The following ZNF609 variants were observed in gnomAD, a reference collection of about 807,000 sequenced individuals.
ZNF609 encodes the protein zinc finger protein 609.
Under a neutral mutation model 109.5 loss-of-function variants are expected in ZNF609, and 11 were observed. The observed-to-expected ratio is 0.10, with a 90% CI of 0.06 to 0.17. The LOEUF is 0.17. Among genes scored for constraint, ZNF609 ranks in the 10% least tolerant of loss-of-function variants. The pLI is 1.00. For missense variants in ZNF609, 1,559 were observed against 1,772.4 expected (o/e 0.88, Z 2.16); for synonymous variants, 646 against 662.0 (o/e 0.98, Z 0.37).
At chr15:64,656,091 TCTCA>T (rs976655608) in intron 3 of ZNF609, among the ~76,000 whole-genome samples, 4 of 151,850 alleles carry the variant, frequency 2.6e-5, no homozygotes, top group Admixed American at 2.6e-4. Flanking sequence ...TGAGACTGAG[TCTCA>T]CTCTGTCACC....
chr15:64,622,312 T>C (rs1040200516), intron 2 of ZNF609, among the ~76,000 whole-genome samples: 1 of 152,162 alleles, frequency 6.6e-6, no homozygotes, highest in African/African-American at 2.4e-5. Context: ...TTCCTAGGAT[T>C]TGGCTATTTC....
chr15:64,533,102 G>A (rs1233128879), intron 2 of ZNF609, among the ~76,000 whole-genome samples: 14 of 151,736 alleles, frequency 9.2e-5, no homozygotes. Flanking sequence ...CAAGGCTGGA[G>A]TGCAGTGGCG....
In ZNF609 at chr15:64,553,724, G is replaced by A. The variant is rs530377757; in HGVS notation, c.747+53558G>A. Among the ~76,000 whole-genome samples, 280 of 151,602 alleles carry A rather than the reference G, an allele frequency of 1.8e-3. 1 individual carries two copies. Among genetic ancestry groups the A allele is most frequent in the Middle Eastern group, 6.8e-3 (2 of 294 alleles). On this transcript the variant is annotated intron_variant, in intron 2 of 9. Coordinates refer to ENST00000326648, the MANE Select transcript of ZNF609 (RefSeq NM_015042.2). ...CGCCATTCTCCTGCCTCAGCCTCCCGAGTAGCTGGGACTACAGGCACCTGA... is the reference window on the plus strand; with the variant it reads ...CGCCATTCTCCTGCCTCAGCCTCCCAAGTAGCTGGGACTACAGGCACCTGA...
In ZNF609 at chr15:64,565,042, GTTTTCTTTTT is replaced by G. The variant is rs201504971; in HGVS notation, c.748-57770_748-57761del. 5.6e-5 allele frequency among the ~76,000 whole-genome samples: 8 copies of G among 143,088 alleles called. No individual in the cohort carries two copies. In the East Asian group the frequency reaches 1.6e-3, roughly 29 times the overall value. 93.9% of individuals were successfully genotyped at this position (143,088 alleles called of 152,430 possible). On this transcript the variant is annotated intron_variant, in intron 2 of 9. Transcript: ENST00000326648. ...TTTTTGTATTTTTAGTAGAGACGGG[GTTTTCTTTTT>G]TTTTCTTTTTTTTTTTTTGAGACGG... is the stretch of plus-strand genomic sequence containing the variant.
intron 3 of ZNF609, among the ~76,000 whole-genome samples, chr15:64,644,981 T>TTTTTTCTTTCTTTC (rs1896309504): frequency 7.2e-6 from 1 of 139,580 alleles, no homozygotes; most frequent in African/African-American, 3.1e-5. Flanking sequence ...CTTTCTTTCT[T>TTTTTTCTTTCTTTC]TTTCTTTCTT....
intron 1 of ZNF609, among the ~76,000 whole-genome samples, chr15:64,475,635 C>G (rs1181840224): frequency 6.6e-6 from 1 of 152,116 alleles, no homozygotes; most frequent in Non-Finnish European, 1.5e-5. Context: ...TCGTGATCCA[C>G]CTGCCTTGGC....
intron 2 of ZNF609, among the ~76,000 whole-genome samples, chr15:64,520,920 A>C (rs1893882041): frequency 6.6e-6 from 1 of 152,162 alleles, no homozygotes; most frequent in Admixed American, 6.6e-5. Context: ...AGCAAAGGAG[A>C]GGCTCACCTG....
chr15:64,597,820 CA>C (rs1467147033), intron 2 of ZNF609, among the ~76,000 whole-genome samples: 2 of 152,124 alleles, frequency 1.3e-5, no homozygotes, highest in Non-Finnish European at 2.9e-5. Flanking sequence ...GTGACCTGTG[CA>C]GTGGATCTTC....
At chr15:64,590,502 A>G (rs933650148) in intron 2 of ZNF609, among the ~76,000 whole-genome samples, 1 of 152,166 alleles carries the variant, frequency 6.6e-6, no homozygotes, top group Admixed American at 6.6e-5. Context: ...TTGTGTTAGT[A>G]GAGTTGGGGT....
At chr15:64,465,209 T>TG (rs1892997754) in intron 1 of ZNF609, among the ~76,000 whole-genome samples, 1 of 152,236 alleles carries the variant, frequency 6.6e-6, no homozygotes, top group African/African-American at 2.4e-5. Flanking sequence ...TTTAGCCTAC[T>TG]GGGTGGATAC....
chr15:64,492,647 G>T (rs1006315401), intron 1 of ZNF609, among the ~76,000 whole-genome samples: 6 of 152,168 alleles, frequency 3.9e-5, no homozygotes, highest in African/African-American at 1.4e-4. Context: ...CTCCCAAAGT[G>T]CTGGGATTAC....
chr15:64,496,848 C>T (rs974474088), intron 1 of ZNF609, among the ~76,000 whole-genome samples: 6 of 151,634 alleles, frequency 4.0e-5, no homozygotes, highest in Non-Finnish European at 8.8e-5. Flanking sequence ...GCGTCTCGCT[C>T]TGTCACCCAG....
At chr15:64,496,783 T>C (rs905345710) in intron 1 of ZNF609, among the ~76,000 whole-genome samples, 8 of 152,168 alleles carry the variant, frequency 5.3e-5, no homozygotes, top group African/African-American at 1.9e-4. Context: ...TTCAGAATCC[T>C]AGATCATTTT....
intron 2 of ZNF609, among the ~76,000 whole-genome samples, chr15:64,572,492 G>C (rs1041587646): frequency 3.9e-5 from 6 of 152,198 alleles, no homozygotes; most frequent in African/African-American, 1.4e-4. Context: ...TATTTTGGTT[G>C]TCTCTCCCAC....
Position 64,577,354 on chromosome 15 carries a change from TAC to T in ZNF609, c.748-45469_748-45468del, listed in dbSNP as rs1332696160. ...ATATATACATATATATGTATATATA[TAC>T]ACATATATGTATATATATACACATA... On this transcript the variant is annotated intron_variant, in intron 2 of 9. Transcript: ENST00000326648. 7.9e-4 allele frequency among the ~76,000 whole-genome samples: 14 copies of T among 17,726 alleles called. 3 individuals carry two copies. Among genetic ancestry groups the T allele is most frequent in the African/African-American group, 1.4e-3 (14 of 10,358 alleles). 11.6% of individuals were successfully genotyped at this position (17,726 alleles called of 152,430 possible).
chr15:64,663,451 T>G (rs1017679794), intron 3 of ZNF609, among the ~76,000 whole-genome samples: 1 of 152,122 alleles, frequency 6.6e-6, no homozygotes, highest in African/African-American at 2.4e-5. Context: ...AGGATGGGTA[T>G]CAGGAGCTCA....
At chr15:64,631,199 C>T in intron 3 of ZNF609, 1 of 621,638 alleles carries the variant, frequency 1.6e-6, no homozygotes, top group Non-Finnish European at 3.1e-6. Context: ...GTAGAGGCTG[C>T]TGCTTCAGGT....
At chr15:64,552,156 A>C (rs1894493048) in intron 2 of ZNF609, among the ~76,000 whole-genome samples, 1 of 152,190 alleles carries the variant, frequency 6.6e-6, no homozygotes, top group African/African-American at 2.4e-5. Flanking sequence ...TGATAAGAGA[A>C]CATAAGTTCT....
chr15:64,484,050 CTTTT>C (rs11290071), intron 1 of ZNF609, among the ~76,000 whole-genome samples: 6 of 128,794 alleles, frequency 4.7e-5, no homozygotes, highest in Non-Finnish European at 1.7e-5. Flanking sequence ...AGTTTCTTTC[CTTTT>C]TTTTTTTTTT....
Sources: gnomAD v4.1 joint callset for allele counts (sites outside exome capture counted in the v4.1 genomes callset) on GRCh38, gnomAD v4.1.1 for gene constraint, MANE v1.5 for transcripts, NCBI Gene and HGNC (gene_info 2026-07-23, HGNC 2026-07-21) for gene names.